Variants in SLC5A4 observed in about 807,000 individuals in gnomAD.
The protein encoded by SLC5A4 is probable glucose sensor protein SLC5A4.
SLC5A4 carries 55 observed loss-of-function variants against 70.3 expected under a neutral mutation model. The ratio of observed to expected loss-of-function variants is 0.78; its 90% confidence interval spans 0.63 to 0.98. SLC5A4 has a LOEUF of 0.98. Ranked by LOEUF, SLC5A4 falls within the 50% of genes least tolerant of loss-of-function variation. SLC5A4 has a pLI of 0.00. For missense variants in SLC5A4, 735 were observed against 839.2 expected, an observed-to-expected ratio of 0.88 and a Z score of 1.53; for synonymous variants, 268 against 305.7, an observed-to-expected ratio of 0.88 and a Z score of 1.29.
the SLC5A4 span, among the ~76,000 whole-genome samples, chr22:32,345,331 A>T: frequency 6.6e-6 from 1 of 152,336 alleles, no homozygotes; most frequent in South Asian, 2.1e-4. Context: ...TGAGAAAAAC[A>T]AAGATCATTT....
intron 13 of SLC5A4, among the ~76,000 whole-genome samples, chr22:32,223,891 GA>G: frequency 6.6e-6 from 1 of 152,024 alleles, no homozygotes; most frequent in Non-Finnish European, 1.5e-5. Flanking sequence ...ACATTTCCTG[GA>G]ACTCATACAT....
At chr22:32,274,831 C>T in the SLC5A4 span, among the ~76,000 whole-genome samples, 4 of 152,274 alleles carry the variant, frequency 2.6e-5, no homozygotes, top group African/African-American at 9.6e-5. Context: ...CCCTACTTTC[C>T]ATAATGTGGT....
the SLC5A4 span, among the ~76,000 whole-genome samples, chr22:32,331,166 G>GGGAGGCTCTGGTGTATGTGTT: frequency 8.3e-6 from 1 of 120,420 alleles, no homozygotes; most frequent in Non-Finnish European, 1.7e-5. Flanking sequence ...TGTGTGTGTT[G>GGGAGGCTCTGGTGTATGTGTT]GGGGGCTCTG....
At chr22:32,285,146 T>C in the SLC5A4 span, 3 of 152,194 alleles carry the variant, frequency 2.0e-5, no homozygotes, top group African/African-American at 7.2e-5. Flanking sequence ...TGTGTGTATA[T>C]ATGATATATA....
chr22:32,250,726 C>T (rs1020431971), intron 3 of SLC5A4, among the ~76,000 whole-genome samples: 3 of 152,054 alleles, frequency 2.0e-5, no homozygotes, highest in African/African-American at 7.2e-5. Flanking sequence ...CAATGATAGA[C>T]TGGATAAAGA....
the SLC5A4 span, among the ~76,000 whole-genome samples, chr22:32,341,934 G>A: frequency 0.16 from 24,828 of 152,076 alleles, 2,198 homozygotes; most frequent in Non-Finnish European, 0.2. Flanking sequence ...TCCCTGGATC[G>A]CTTCATTTTC....
At chr22:32,268,000 T>C in the SLC5A4 span, among the ~76,000 whole-genome samples, 2 of 152,230 alleles carry the variant, frequency 1.3e-5, no homozygotes, top group Non-Finnish European at 1.5e-5. Context: ...GGTGGGCGCC[T>C]GTAGTCCCAG....
the SLC5A4 span, among the ~76,000 whole-genome samples, chr22:32,324,212 C>CAT: frequency 3.2e-5 from 4 of 126,406 alleles, no homozygotes; most frequent in Non-Finnish European, 5.4e-5. Context: ...TTTTATACCT[C>CAT]ATATATATAC....
chr22:32,269,462 C>A, the SLC5A4 span: 1 of 524,816 alleles, frequency 1.9e-6, no homozygotes, highest in Non-Finnish European at 3.7e-6. The surrounding 1 kb of genome is among the most constrained non-coding windows in gnomAD (Gnocchi z 4.1). Flanking sequence ...CTACTACAAG[C>A]CCATCCTGTT....
the SLC5A4 span, among the ~76,000 whole-genome samples, chr22:32,341,234 G>T: frequency 6.6e-6 from 1 of 152,092 alleles, no homozygotes; most frequent in Non-Finnish European, 1.5e-5. Context: ...GGTCTGGGTG[G>T]GGGTCCCCAG....
the SLC5A4 span, among the ~76,000 whole-genome samples, chr22:32,305,615 A>C: frequency 4.7e-5 from 7 of 147,840 alleles, 2 homozygotes; most frequent in Non-Finnish European, 1.0e-4. Flanking sequence ...TCCACTGTGC[A>C]GCCTGTCCCT....
At chr22:32,243,352 G>A (rs932353483) in intron 5 of SLC5A4, among the ~76,000 whole-genome samples, 2 of 152,172 alleles carry the variant, frequency 1.3e-5, no homozygotes, top group Non-Finnish European at 2.9e-5. Flanking sequence ...AAGACACTTG[G>A]CAAGTGAATG....
chr22:32,332,060 T>C, the SLC5A4 span, among the ~76,000 whole-genome samples: 5 of 148,858 alleles, frequency 3.4e-5, no homozygotes, highest in South Asian at 2.2e-4. Context: ...GCCAATCCCA[T>C]GGACTCCACT....
chr22:32,308,909 A>G, the SLC5A4 span, among the ~76,000 whole-genome samples: 2 of 152,182 alleles, frequency 1.3e-5, no homozygotes, highest in African/African-American at 2.4e-5. Flanking sequence ...CATGTTCCCA[A>G]TAACTTCATC....
the SLC5A4 span, among the ~76,000 whole-genome samples, chr22:32,277,963 T>A: frequency 2.6e-5 from 4 of 151,982 alleles, no homozygotes; most frequent in Non-Finnish European, 5.9e-5. Flanking sequence ...TATCACATCT[T>A]CAGAGCTGTG....
chr22:32,260,286 A>G (rs539066911), upstream of SLC5A4, among the ~76,000 whole-genome samples: 32 of 152,240 alleles, frequency 2.1e-4, no homozygotes, highest in Admixed American at 2.1e-3. Flanking sequence ...ACATTCAGTC[A>G]CAACAGGAAT....
the SLC5A4 span, among the ~76,000 whole-genome samples, chr22:32,292,139 AT>A: frequency 0.091 from 5,505 of 60,752 alleles, 1,261 homozygotes; most frequent in African/African-American, 0.23. Context: ...GATATTATAT[AT>A]TATATTCTAT....
chr22:32,224,160 T>C (rs1046582875), intron 13 of SLC5A4, 107 bp downstream of exon 13: 1 of 777,620 alleles, frequency 1.3e-6, no homozygotes, highest in Non-Finnish European at 2.2e-6. Context: ...GACCTCGTGA[T>C]CCGCCCGCCT....
At chr22:32,292,191 C>T in the SLC5A4 span, among the ~76,000 whole-genome samples, 3 of 31,826 alleles carry the variant, frequency 9.4e-5, no homozygotes, top group Admixed American at 4.3e-4. Flanking sequence ...ATATATAATA[C>T]ATACTAGATA....
Sources: allele counts gnomAD v4.1 joint callset (sites outside exome capture counted in the v4.1 genomes callset), GRCh38; gene constraint gnomAD v4.1.1; non-coding constraint Gnocchi (gnomAD v3.1); transcripts MANE v1.5; gene names NCBI Gene and HGNC (gene_info 2026-07-23, HGNC 2026-07-21).